Variants in CARMIL1 observed in about 807,000 individuals in gnomAD.
The protein encoded by CARMIL1 is F-actin-uncapping protein LRRC16A.
Under a neutral mutation model 177.1 loss-of-function variants are expected in CARMIL1, and 90 were observed. The ratio of observed to expected loss-of-function variants is 0.51; its 90% CI spans 0.43 to 0.61. The LOEUF (loss-of-function observed/expected upper bound fraction) is 0.61. Among genes scored for constraint, CARMIL1 ranks in the 20% least tolerant of loss-of-function variants. The pLI is 0.00. For missense variants in CARMIL1, 1,380 were observed against 1,667.0 expected, an observed-to-expected ratio of 0.83 and a Z score of 3.00; for synonymous variants, 577 against 606.2, an observed-to-expected ratio of 0.95 and a Z score of 0.71.
chr6:25,419,341 T>G (rs1003932553), intron 2 of CARMIL1, among the ~76,000 whole-genome samples: 2 of 152,202 alleles, frequency 1.3e-5, no homozygotes, highest in African/African-American at 4.8e-5. Flanking sequence ...CTTTCTTTAT[T>G]GAAAAGACTC....
intron 3 of CARMIL1, 122 bp downstream of exon 3, chr6:25,420,286 C>G: frequency 2.3e-6 from 2 of 881,166 alleles, no homozygotes; most frequent in Non-Finnish European, 3.8e-6. Context: ...ACACAACACA[C>G]ACACACCTCA....
intron 31 of CARMIL1, among the ~76,000 whole-genome samples, chr6:25,591,359 C>T (rs1012560144): frequency 9.8e-5 from 15 of 152,322 alleles, no homozygotes; most frequent in Middle Eastern, 3.4e-3. Flanking sequence ...CAAAATCTAC[C>T]TTCTTTATCA....
chr6:25,397,456 G>T (rs554745718), intron 2 of CARMIL1, among the ~76,000 whole-genome samples: 84 of 152,304 alleles, frequency 5.5e-4, no homozygotes, highest in African/African-American at 2.0e-3. Context: ...TAGGAATGGG[G>T]ACATCTGGTG....
At position 25,500,169 on chromosome 6, in the gene CARMIL1, A is replaced by G. The variant is rs767845638; in HGVS notation, c.1329A>G (p.Ala443=). 38 of 1,613,822 alleles carry G rather than the reference A, an allele frequency of 2.4e-5. No homozygotes were observed. Among genetic ancestry groups the G allele is most frequent in the Admixed American group, 3.3e-5 (2 of 60,028 alleles). ...GTKLSPEPLK[A]LLLGLACNHN... ...TATGTGTGTTTCCTCCCCTCAGAGC[A>G]CTGTTATTGGGCCTGGCTTGTAATC... is the stretch of plus-strand genomic sequence containing the variant. Residue 443 remains alanine, a synonymous_variant, in exon 17 of 37, where the codon GCA becomes GCG. Coordinates refer to ENST00000329474, the MANE Select transcript of CARMIL1 (RefSeq NM_017640.6).
chr6:25,572,490 C>T (rs1812169000), intron 29 of CARMIL1, among the ~76,000 whole-genome samples: 3 of 151,826 alleles, frequency 2.0e-5, no homozygotes, highest in Admixed American at 2.0e-4. Flanking sequence ...TGCTTGAGCT[C>T]AGGAATTGGA....
At position 25,600,439 on chromosome 6, in the gene CARMIL1, G is replaced by T; in HGVS notation, c.3245G>T (p.Arg1082Leu). 6.2e-7 allele frequency: 1 copy of T among 1,613,940 alleles called. No homozygotes were observed. The highest frequency in any genetic ancestry group is 8.5e-7 in the Non-Finnish European group (1 of 1,179,876). ...NLIKSRSKSE[R>L]PPTILMTEEP... ...ATCAAATCCCGGTCCAAATCCGAGCGACCACCAACGATCTTGATGACAGAA... is the reference window on the plus strand; with the variant it reads ...ATCAAATCCCGGTCCAAATCCGAGCTACCACCAACGATCTTGATGACAGAA... Residue 1082 changes from arginine (R) to leucine (L), a missense_variant, in exon 33 of 37, where the codon CGA (arginine) becomes CTA (leucine). Physicochemically the swap from Arg to Leu is moderately radical, Grantham distance 102. Transcript: ENST00000329474.
intron 2 of CARMIL1, among the ~76,000 whole-genome samples, chr6:25,317,580 T>TA (rs57447457): frequency 6.7e-6 from 1 of 150,158 alleles, no homozygotes; most frequent in African/African-American, 2.5e-5. Context: ...TTTTTTTTTT[T>TA]AATAGAGATG....
At chr6:25,448,569 C>T (rs1798460796) in intron 5 of CARMIL1, among the ~76,000 whole-genome samples, 1 of 152,176 alleles carries the variant, frequency 6.6e-6, no homozygotes, top group Non-Finnish European at 1.5e-5. Context: ...TTCCAACTCC[C>T]TACGTCCCAC....
rs149741170 is a variant in CARMIL1 at position 25,617,191 on chromosome 6, G to T, written c.3980-2256G>T. ...TCAAAAGAATCAACATTTAGGTGGA[G>T]ACTGAAGGACAACCTACTTTTTGCA... On this transcript the variant is annotated intron_variant, in intron 36 of 36. Coordinates refer to ENST00000329474, the MANE Select transcript of CARMIL1 (RefSeq NM_017640.6). Among the ~76,000 whole-genome samples, 66 of 152,306 alleles carry T rather than the reference G, an allele frequency of 4.3e-4. 1 individual carries two copies. Among genetic ancestry groups the T allele is most frequent in the African/African-American group, 1.6e-3 (65 of 41,564 alleles).
chr6:25,397,045 A>G (rs1793466946), intron 2 of CARMIL1, among the ~76,000 whole-genome samples: 1 of 152,188 alleles, frequency 6.6e-6, no homozygotes, highest in Non-Finnish European at 1.5e-5. Context: ...GGAGGTTGTC[A>G]TTCAGCAAAC....
rs566112193 is a variant in CARMIL1 at position 25,398,437 on chromosome 6, C to T, written c.139-21677C>T. The stretch of plus-strand genomic sequence containing the variant: ...CACATACAGGTTTGTCATGAGTGTC[C>T]TTAATTCTAGTTAATCTGTTTCTTG... On this transcript the variant is annotated intron_variant, in intron 2 of 36. Transcript: ENST00000329474. Among the ~76,000 whole-genome samples the T allele has an allele frequency of 3.3e-5, 5 of 152,260 alleles. No homozygotes were observed. The East Asian group carries it at 9.7e-4, about 29-fold the overall frequency.
chr6:25,279,658 C>T lies in CARMIL1; in HGVS notation c.-138C>T, dbSNP rs1780913074. On this transcript the variant is annotated 5_prime_UTR_variant, in exon 1 of 37. Transcript: ENST00000329474. ...CGGGGGGCGCGCGGCAAAATTCTGT[C>T]TCCGCCCCCCCTTTTCTTGCCCACT... The T allele has an allele frequency of 4.0e-6, 3 of 751,156 alleles. No homozygotes were observed. Among genetic ancestry groups the T allele is most frequent in the Non-Finnish European group, 2.3e-6 (1 of 427,436 alleles). 46.5% of individuals were successfully genotyped at this position (751,156 alleles called of 1,614,324 possible). A position where few individuals can be genotyped will look rare whatever the true frequency, so the allele number is the denominator to read the frequency against.
chr6:25,512,861 C>A (rs1051235446), intron 20 of CARMIL1, among the ~76,000 whole-genome samples: 1 of 152,124 alleles, frequency 6.6e-6, no homozygotes, highest in Non-Finnish European at 1.5e-5. Context: ...ACCAGTAGAA[C>A]AGAATGTGAT....
chr6:25,424,866 A>G (rs1796151230), intron 3 of CARMIL1, among the ~76,000 whole-genome samples: 1 of 152,224 alleles, frequency 6.6e-6, no homozygotes, highest in Admixed American at 6.5e-5. Flanking sequence ...GCTGGAAGCC[A>G]TACTTGTGAG....
chr6:25,461,411 G>A (rs2150907185), intron 8 of CARMIL1, among the ~76,000 whole-genome samples: 1 of 152,324 alleles, frequency 6.6e-6, no homozygotes, highest in Middle Eastern at 3.4e-3. Context: ...GAACAGTCAG[G>A]AGTCACAATG....
chr6:25,481,305 A>C (rs988230931), intron 11 of CARMIL1, among the ~76,000 whole-genome samples: 1 of 152,190 alleles, frequency 6.6e-6, no homozygotes, highest in Non-Finnish European at 1.5e-5. Flanking sequence ...CCACTGTTCT[A>C]GGGGAAAAGC....
At chr6:25,500,098 G>A in intron 16 of CARMIL1, 68 bp from the exon 17 acceptor site, 1 of 1,371,034 alleles carries the variant, frequency 7.3e-7, no homozygotes, top group Non-Finnish European at 1.0e-6. Flanking sequence ...TTTATTCAGT[G>A]TGCTTGCATT....
At chr6:25,390,320 A>ATATATATATATATATATATTTTT (rs1554184839) in intron 2 of CARMIL1, among the ~76,000 whole-genome samples, 2 of 58,102 alleles carry the variant, frequency 3.4e-5, no homozygotes, top group Non-Finnish European at 6.7e-5. Flanking sequence ...ATATATATAT[A>ATATATATATATATATATATTTTT]TTTTTTTTTT....
At chr6:25,390,321 T>TATATATATATATATA (rs1491117122) in intron 2 of CARMIL1, among the ~76,000 whole-genome samples, 6 of 38,192 alleles carry the variant, frequency 1.6e-4, no homozygotes, top group Admixed American at 3.1e-4. Context: ...TATATATATA[T>TATATATATATATATA]TTTTTTTTTT....
Sources: allele counts gnomAD v4.1 joint callset (sites outside exome capture counted in the v4.1 genomes callset), GRCh38; gene constraint gnomAD v4.1.1; transcripts MANE v1.5; gene names NCBI Gene and HGNC (gene_info 2026-07-23, HGNC 2026-07-21).